GAB2: variants seen among roughly 807,000 people sequenced by gnomAD.
The protein encoded by GAB2 is GRB2-associated-binding protein 2.
GAB2 carries 26 observed loss-of-function variants against 65.5 expected under a neutral mutation model. The ratio of observed to expected loss-of-function variants is 0.40; its 90% confidence interval spans 0.29 to 0.55. The LOEUF is 0.55. Among genes scored for constraint, GAB2 ranks in the 20% least tolerant of loss-of-function variants. The pLI is 0.53. For synonymous variants in GAB2, 321 were observed against 329.6 expected, an observed-to-expected ratio of 0.97 and a Z score of 0.28; for missense variants, 884 against 875.8, an observed-to-expected ratio of 1.01 and a Z score of -0.12.
rs60718900 is a variant in GAB2, at chr11:78,309,926, ATGTGTGTGTGTGTGTGTGTG to A, written c.76-29045_76-29026del. Among the ~76,000 whole-genome samples, 636 of 135,702 alleles carry A rather than the reference ATGTGTGTGTGTGTGTGTGTG, an allele frequency of 4.7e-3. 4 individuals carry two copies. The highest frequency in any genetic ancestry group is 0.018 in the African/African-American group (584 of 33,328). 89.0% of individuals were successfully genotyped at this position (135,702 alleles called of 152,430 possible). On this transcript the variant is annotated intron_variant, in intron 1 of 9. Transcript: ENST00000361507. ...CGGTTCACTTTGGGGAGGGTTAGAA[ATGTGTGTGTGTGTGTGTGTG>A]TGTGTGTGTGTGTGTGTGTGTGTGT...
chr11:78,303,664 G>T (rs1028071756), intron 1 of GAB2, among the ~76,000 whole-genome samples: 1 of 152,146 alleles, frequency 6.6e-6, no homozygotes, highest in Non-Finnish European at 1.5e-5. Flanking sequence ...TTTCCATACG[G>T]ATTTTAGAAT....
At chr11:78,292,746 T>G (rs962887779) in intron 1 of GAB2, among the ~76,000 whole-genome samples, 1 of 152,238 alleles carries the variant, frequency 6.6e-6, no homozygotes, top group Non-Finnish European at 1.5e-5. Flanking sequence ...CTAGCAATCC[T>G]TCGACTACTC....
chr11:78,379,468 T>C (rs1473017015), intron 1 of GAB2, among the ~76,000 whole-genome samples: 2 of 152,234 alleles, frequency 1.3e-5, no homozygotes, highest in African/African-American at 4.8e-5. Flanking sequence ...AAGGTAAAGC[T>C]TCTTTTTAGG....
intron 1 of GAB2, among the ~76,000 whole-genome samples, chr11:78,381,711 CCT>C (rs1273213184): frequency 6.6e-6 from 1 of 151,822 alleles, no homozygotes; most frequent in Non-Finnish European, 1.5e-5. Context: ...CACATTTGAC[CCT>C]GTGTTAAGCA....
At chr11:78,391,257 T>G (rs946716692) in intron 1 of GAB2, among the ~76,000 whole-genome samples, 1 of 152,096 alleles carries the variant, frequency 6.6e-6, no homozygotes, top group Non-Finnish European at 1.5e-5. Context: ...ATCATACCAC[T>G]GCACAACAGC....
intron 1 of GAB2, among the ~76,000 whole-genome samples, chr11:78,308,464 C>G (rs1437370564): frequency 6.6e-6 from 1 of 152,066 alleles, no homozygotes; most frequent in African/African-American, 2.4e-5. Flanking sequence ...AAGACAGGAT[C>G]CTGGAGGACC....
At chr11:78,228,359 G>A (rs1221046275) in intron 3 of GAB2, among the ~76,000 whole-genome samples, 1 of 152,166 alleles carries the variant, frequency 6.6e-6, no homozygotes, top group Non-Finnish European at 1.5e-5. Context: ...TTTGTAGCAG[G>A]GATTCTAAGC....
At chr11:78,361,152 CTG>C (rs1856430062) in intron 1 of GAB2, among the ~76,000 whole-genome samples, 1 of 152,106 alleles carries the variant, frequency 6.6e-6, no homozygotes, top group African/African-American at 2.4e-5. Flanking sequence ...TTTAATGACA[CTG>C]TTAAAAATAA....
chr11:78,314,294 T>C (rs1254891805), intron 1 of GAB2, among the ~76,000 whole-genome samples: 2 of 152,222 alleles, frequency 1.3e-5, no homozygotes, highest in South Asian at 2.1e-4. Context: ...AAACACCATA[T>C]AGACAGACAG....
chr11:78,309,509 G>A (rs963988193), intron 1 of GAB2, among the ~76,000 whole-genome samples: 2 of 142,662 alleles, frequency 1.4e-5, no homozygotes, highest in African/African-American at 2.6e-5. Context: ...TCAGTCTGTC[G>A]CTCAGGCTGG....
intron 1 of GAB2, among the ~76,000 whole-genome samples, chr11:78,305,092 A>C (rs2134633013): frequency 6.6e-6 from 1 of 152,326 alleles, no homozygotes; most frequent in African/African-American, 2.4e-5. Context: ...AGTACTGATG[A>C]GACCTCAGAA....
At chr11:78,272,813 G>A (rs1252630547) in intron 2 of GAB2, among the ~76,000 whole-genome samples, 9 of 152,192 alleles carry the variant, frequency 5.9e-5, no homozygotes, top group East Asian at 1.9e-4. Flanking sequence ...AGAGGCCTAG[G>A]AGGAAAAAAT....
intron 2 of GAB2, among the ~76,000 whole-genome samples, chr11:78,266,492 C>G (rs184407757): frequency 2.0e-5 from 3 of 152,148 alleles, no homozygotes; most frequent in African/African-American, 7.2e-5. Flanking sequence ...CAGGAATACC[C>G]GGAGTTGATT....
intron 1 of GAB2, among the ~76,000 whole-genome samples, chr11:78,326,082 A>G (rs1855817465): frequency 6.6e-6 from 1 of 152,218 alleles, no homozygotes; most frequent in Non-Finnish European, 1.5e-5. Context: ...GTGAATATAT[A>G]CAATGTCTTC....
intron 1 of GAB2, among the ~76,000 whole-genome samples, chr11:78,383,501 T>A (rs1420265019): frequency 1.5e-4 from 22 of 149,524 alleles, no homozygotes; most frequent in African/African-American, 5.5e-4. Context: ...TCCTAATACT[T>A]TGGGAGGCGA....
chr11:78,352,587 G>A (rs1591059921), intron 1 of GAB2, among the ~76,000 whole-genome samples: 1 of 152,302 alleles, frequency 6.6e-6, no homozygotes, highest in East Asian at 1.9e-4. Flanking sequence ...TCAGAGGACT[G>A]GTGGAGATCT....
At chr11:78,322,298 C>CAAAAAAA (rs56709163) in intron 1 of GAB2, among the ~76,000 whole-genome samples, 9 of 12,078 alleles carry the variant, frequency 7.5e-4, no homozygotes, top group African/African-American at 1.6e-3. Context: ...GACTCTGTCT[C>CAAAAAAA]AAAAAAAAAA....
At chr11:78,335,498 G>A (rs1164687783) in intron 1 of GAB2, among the ~76,000 whole-genome samples, 3 of 152,212 alleles carry the variant, frequency 2.0e-5, no homozygotes, top group Non-Finnish European at 4.4e-5. Flanking sequence ...TGAAGAAACT[G>A]TCTTTCCTCC....
intron 1 of GAB2, among the ~76,000 whole-genome samples, chr11:78,368,713 A>G (rs1856529451): frequency 6.6e-6 from 1 of 152,082 alleles, no homozygotes; most frequent in East Asian, 1.9e-4. Context: ...CTGAAAAAAA[A>G]AAGACAAGAC....
Sources: gnomAD v4.1 joint callset for allele counts (sites outside exome capture counted in the v4.1 genomes callset) on GRCh38, gnomAD v4.1.1 for gene constraint, MANE v1.5 for transcripts, NCBI Gene and HGNC (gene_info 2026-07-23, HGNC 2026-07-21) for gene names.